The following SHC3 variants were observed in gnomAD, a reference collection of about 807,000 sequenced individuals.
SHC3 encodes SHC-transforming protein 3.
In SHC3, 15 loss-of-function variants were observed where a neutral mutation model predicts 60.4. That is an observed-to-expected ratio of 0.25 (90% CI 0.17 to 0.38). The LOEUF (loss-of-function observed/expected upper bound fraction) is 0.38, where lower values mean the gene tolerates loss of function less well. Among genes scored for constraint, SHC3 ranks in the 10% least tolerant of loss-of-function variants. The pLI, the probability that SHC3 is intolerant of heterozygous loss-of-function variation, is 1.00. For synonymous variants in SHC3, 294 were observed against 325.9 expected (o/e 0.90, Z 1.05); for missense variants, 677 against 786.1 (o/e 0.86, Z 1.66).
intron 1 of SHC3, among the ~76,000 whole-genome samples, chr9:89,146,066 A>G (rs1826463807): frequency 6.6e-6 from 1 of 152,178 alleles, no homozygotes; most frequent in Non-Finnish European, 1.5e-5. Flanking sequence ...AATATACTGC[A>G]AGGATGAGGG....
chr9:89,048,681 T>A (rs1356164762), intron 7 of SHC3, among the ~76,000 whole-genome samples: 1 of 152,194 alleles, frequency 6.6e-6, no homozygotes, highest in Non-Finnish European at 1.5e-5. Flanking sequence ...TTAAAAATAA[T>A]AATAAATGGA....
intron 4 of SHC3, among the ~76,000 whole-genome samples, chr9:89,071,832 C>T (rs1014407454): frequency 1.3e-5 from 2 of 152,270 alleles, no homozygotes; most frequent in East Asian, 1.9e-4. Flanking sequence ...TAACAGACAC[C>T]GTCTTGCTGT....
chr9:89,177,936 G>A lies in SHC3; in HGVS notation c.474+51C>T, dbSNP rs1434763855. 5 of 1,177,026 alleles carry A rather than the reference G, an allele frequency of 4.2e-6. No individual in the cohort carries two copies. The South Asian group carries it at 2.1e-4, about 49-fold the overall frequency. 72.9% of individuals were successfully genotyped at this position (1,177,026 alleles called of 1,614,324 possible). On this transcript the variant is annotated intron_variant, in intron 1 of 11. Coordinates refer to ENST00000375835, the MANE Select transcript of SHC3 (RefSeq NM_016848.6). Reference sequence around the variant, plus strand: ...TTCAGGGAATGAAGGAGTCTGCCCCGAACTGGCCCCAGAACCCCCAGCCCC... The same window carrying A: ...TTCAGGGAATGAAGGAGTCTGCCCCAAACTGGCCCCAGAACCCCCAGCCCC...
At chr9:89,029,030 A>T (rs1824427150) in intron 11 of SHC3, among the ~76,000 whole-genome samples, 2 of 150,740 alleles carry the variant, frequency 1.3e-5, no homozygotes, top group Admixed American at 6.6e-5. Flanking sequence ...CTATATATAG[A>T]TCTAGATTAT....
At chr9:89,094,103 C>CAAAAA (rs1160433992) in intron 2 of SHC3, among the ~76,000 whole-genome samples, 7 of 72,944 alleles carry the variant, frequency 9.6e-5, no homozygotes, top group Non-Finnish European at 1.1e-4. Flanking sequence ...GACTCTGTCT[C>CAAAAA]AAAAAAAAAA....
chr9:89,116,146 T>C (rs1043520145), intron 1 of SHC3, among the ~76,000 whole-genome samples: 2 of 152,172 alleles, frequency 1.3e-5, no homozygotes, highest in Admixed American at 1.3e-4. Context: ...TTCACAGTTA[T>C]GTGAACCCCA....
chr9:89,158,223 A>AT (rs991021730), intron 1 of SHC3, among the ~76,000 whole-genome samples: 1 of 151,626 alleles, frequency 6.6e-6, no homozygotes, highest in African/African-American at 2.4e-5. Context: ...AATTCTATGT[A>AT]TTTTTTGTAT....
chr9:89,170,361 G>T (rs529313725), intron 1 of SHC3, among the ~76,000 whole-genome samples: 10 of 152,368 alleles, frequency 6.6e-5, no homozygotes, highest in African/African-American at 2.4e-4. Flanking sequence ...AGATGCATAT[G>T]TCGGCCTGGC....
intron 2 of SHC3, chr9:89,109,280 A>G: frequency 1.3e-6 from 1 of 747,540 alleles, no homozygotes; most frequent in Non-Finnish European, 1.6e-6. Context: ...CAGAGGATGC[A>G]TGGGTGAAGG....
At chr9:89,072,540 C>A (rs1043425626) in intron 4 of SHC3, among the ~76,000 whole-genome samples, 3 of 151,984 alleles carry the variant, frequency 2.0e-5, no homozygotes, top group African/African-American at 7.2e-5. Flanking sequence ...GCAGACAATC[C>A]ATGTTAATTT....
At chr9:89,026,763 G>A (rs1003751607) in intron 11 of SHC3, among the ~76,000 whole-genome samples, 2 of 152,178 alleles carry the variant, frequency 1.3e-5, no homozygotes, top group African/African-American at 4.8e-5. Context: ...CTTTGCCTGG[G>A]CGAGCACTCA....
chr9:89,163,936 G>C (rs115626865), intron 1 of SHC3, among the ~76,000 whole-genome samples: 535 of 151,936 alleles, frequency 3.5e-3, no homozygotes, highest in African/African-American at 0.012. Context: ...GGTCAAGCAA[G>C]CTCTCTGGGA....
chr9:89,082,543 C>T (rs772650470), intron 2 of SHC3, among the ~76,000 whole-genome samples: 35 of 152,202 alleles, frequency 2.3e-4, no homozygotes, highest in Non-Finnish European at 4.9e-4. Flanking sequence ...CTCACTGACT[C>T]TGAAGCTAGA....
chr9:89,054,035 G>GT (rs907960151), intron 6 of SHC3, among the ~76,000 whole-genome samples: 30 of 152,160 alleles, frequency 2.0e-4, no homozygotes, highest in Middle Eastern at 3.4e-3. Context: ...AGGGTAGCCT[G>GT]TTTTTTTTAA....
intron 5 of SHC3, 103 bp from the exon 6 acceptor site, chr9:89,065,683 C>T: frequency 2.7e-6 from 3 of 1,131,180 alleles, no homozygotes; most frequent in Non-Finnish European, 1.3e-6. Flanking sequence ...GACTCAACCA[C>T]CAAACAGCTA....
At chr9:89,015,382 C>G (rs1826076707) in intron 11 of SHC3, among the ~76,000 whole-genome samples, 1 of 152,230 alleles carries the variant, frequency 6.6e-6, no homozygotes, top group Non-Finnish European at 1.5e-5. Context: ...ACCTCCAATA[C>G]TCCTGAGGAC....
chr9:89,067,399 G>A (rs1352206570), intron 5 of SHC3, among the ~76,000 whole-genome samples: 1 of 152,198 alleles, frequency 6.6e-6, no homozygotes, highest in Non-Finnish European at 1.5e-5. Flanking sequence ...TCATTTCCAT[G>A]ATTATCTTAA....
chr9:89,070,948 C>T lies in SHC3; in HGVS notation c.783+251G>A, dbSNP rs187866268. 1.5e-3 allele frequency among the ~76,000 whole-genome samples: 230 copies of T among 152,242 alleles called. 1 individual carries two copies. The highest frequency in any genetic ancestry group is 2.4e-3 in the Non-Finnish European group (160 of 68,018). On this transcript the variant is annotated intron_variant, in intron 5 of 11. Transcript: ENST00000375835. ...GGACTATTTCATCACCTGGTAAGAA[C>T]GCCAGTGCCTCCAGGATTTTTGACA...
At chr9:89,063,697 G>A (rs1420921888) in intron 6 of SHC3, among the ~76,000 whole-genome samples, 2 of 152,196 alleles carry the variant, frequency 1.3e-5, no homozygotes, top group Non-Finnish European at 2.9e-5. Context: ...AAGACCACTC[G>A]ATGACCCCTG....
Sources: allele counts gnomAD v4.1 joint callset (sites outside exome capture counted in the v4.1 genomes callset), GRCh38; gene constraint gnomAD v4.1.1; transcripts MANE v1.5; gene names NCBI Gene and HGNC (gene_info 2026-07-23, HGNC 2026-07-21).